Variants in CES5A observed in about 807,000 individuals in gnomAD.
CES5A encodes carboxylesterase 5.
Under a neutral mutation model 62.9 loss-of-function variants are expected in CES5A, and 67 were observed. That is an observed-to-expected ratio of 1.07 (90% CI 0.88 to 1.31). The LOEUF (loss-of-function observed/expected upper bound fraction) is 1.31, where lower values mean the gene tolerates loss of function less well. Among genes scored for constraint, CES5A ranks in the 50% most tolerant of loss-of-function variants. CES5A has a pLI of 0.00. For synonymous variants in CES5A, 296 were observed against 280.8 expected (o/e 1.05, Z -0.54); for missense variants, 748 against 708.5 (o/e 1.06, Z -0.63).
At chr16:55,877,746 C>A (rs2033713875), upstream of CES5A, among the ~76,000 whole-genome samples, 1 of 152,204 alleles carries the variant, frequency 6.6e-6, no homozygotes, top group East Asian at 1.9e-4. Context: ...CATCTATTAC[C>A]TAATTTAATG....
chr16:55,877,450 A>G (rs1852107478), upstream of CES5A, among the ~76,000 whole-genome samples: 1 of 126,354 alleles, frequency 7.9e-6, no homozygotes, highest in African/African-American at 3.2e-5. Flanking sequence ...GTGTATATAT[A>G]TGTATGTGTG....
intron 2 of CES5A, among the ~76,000 whole-genome samples, chr16:55,938,617 G>T (rs2034403263): frequency 6.7e-6 from 1 of 149,626 alleles, no homozygotes; most frequent in African/African-American, 2.5e-5. Flanking sequence ...GGTGCCTATA[G>T]TCCCAGCTAC....
chr16:55,938,734 TCA>T (rs2034405142), intron 2 of CES5A, among the ~76,000 whole-genome samples: 1 of 26,180 alleles, frequency 3.8e-5, no homozygotes, highest in African/African-American at 2.6e-4. Flanking sequence ...AGACTCCATC[TCA>T]AAAAAAAAAA....
rs142729156 is a variant in CES5A, at chr16:55,942,840, A to C, written c.160+6945T>G. Among the ~76,000 whole-genome samples, 170 of 152,352 alleles carry C rather than the reference A, an allele frequency of 1.1e-3. 1 individual carries two copies. The highest frequency in any genetic ancestry group is 3.8e-3 in the African/African-American group (160 of 41,584). On this transcript the variant is annotated intron_variant, in intron 2 of 13. Transcript: ENST00000521992. ...TCCATACAATAAAATACTATTCTGC[A>C]GCAGTAAAGGAAAAAACAACCTGGA...
At chr16:55,941,736 G>A (rs1325072562) in intron 2 of CES5A, among the ~76,000 whole-genome samples, 1 of 152,048 alleles carries the variant, frequency 6.6e-6, no homozygotes, top group Non-Finnish European at 1.5e-5. Flanking sequence ...AGCTTCAGTA[G>A]TCCAGATAGT....
intron 1 of CES5A, among the ~76,000 whole-genome samples, chr16:55,921,412 A>T (rs1254608903): frequency 1.3e-5 from 2 of 152,080 alleles, no homozygotes; most frequent in Non-Finnish European, 2.9e-5. Context: ...TTGTCTAGCA[A>T]CAGACTTCTC....
intron 2 of CES5A, among the ~76,000 whole-genome samples, chr16:55,947,896 A>C (rs1340267236): frequency 6.6e-6 from 1 of 150,762 alleles, no homozygotes; most frequent in Non-Finnish European, 1.5e-5. Context: ...AAGGGCTGGG[A>C]GTTTTGATTA....
At chr16:55,932,117 C>A (rs1477505748) in intron 2 of CES5A, among the ~76,000 whole-genome samples, 2 of 152,224 alleles carry the variant, frequency 1.3e-5, no homozygotes, top group East Asian at 3.9e-4. Context: ...TTATAAAAGC[C>A]AGTTTTGTTT....
At chr16:55,875,125 C>T in intron 1 of CES5A, 24 bp downstream of exon 1, 1 of 1,609,852 alleles carries the variant, frequency 6.2e-7, no homozygotes, top group Non-Finnish European at 8.5e-7. Flanking sequence ...TCTGAGAGCC[C>T]TCCTTTCCCA....
intron 2 of CES5A, among the ~76,000 whole-genome samples, chr16:55,938,533 C>T (rs1376967487): frequency 1.3e-5 from 2 of 151,260 alleles, no homozygotes; most frequent in Non-Finnish European, 2.9e-5. Flanking sequence ...GTCAGGAGAT[C>T]AAGACCATCC....
At chr16:55,947,256 T>G (rs2142484546) in intron 2 of CES5A, among the ~76,000 whole-genome samples, 1 of 152,256 alleles carries the variant, frequency 6.6e-6, no homozygotes, top group South Asian at 2.1e-4. Context: ...GAAGAGACAC[T>G]GAGTGATCAT....
At chr16:55,925,094 G>A (rs1255279908) in intron 1 of CES5A, among the ~76,000 whole-genome samples, 3 of 151,978 alleles carry the variant, frequency 2.0e-5, no homozygotes, top group East Asian at 1.9e-4. Context: ...CACAGAATGA[G>A]AAAATATTTG....
intron 1 of CES5A, among the ~76,000 whole-genome samples, chr16:55,898,179 T>C (rs866506665): frequency 6.6e-6 from 1 of 152,190 alleles, no homozygotes; most frequent in Non-Finnish European, 1.5e-5. Flanking sequence ...TTTGTGTGCT[T>C]TCCTATATGC....
At chr16:55,911,115 T>C (rs755294726) in intron 1 of CES5A, among the ~76,000 whole-genome samples, 1 of 152,186 alleles carries the variant, frequency 6.6e-6, no homozygotes, top group Non-Finnish European at 1.5e-5. Flanking sequence ...TTTTAGTGCA[T>C]GAACTGTACT....
At chr16:55,855,233 C>T (rs148162334) in intron 9 of CES5A, among the ~76,000 whole-genome samples, 227 of 152,356 alleles carry the variant, frequency 1.5e-3, no homozygotes, top group African/African-American at 5.3e-3. Context: ...TCTCACTACA[C>T]ATGTGTTCCA....
At position 55,872,279 on chromosome 16, in the gene CES5A, G is replaced by A. The variant is rs74019305; in HGVS notation, c.279-516C>T. Among the ~76,000 whole-genome samples, 570 of 152,236 alleles carry A rather than the reference G, an allele frequency of 3.7e-3. 5 individuals carry two copies. Among genetic ancestry groups the A allele is most frequent in the African/African-American group, 0.013 (546 of 41,530 alleles). ...TTTGCTCAAGCCGGGCCCTTGCCTC[G>A]ACTGCTCTCTCCCTGTATCTGCGTG... On this transcript the variant is annotated intron_variant, in intron 2 of 12. Transcript: ENST00000290567.
At chr16:55,858,856 T>C (rs2033295876) in intron 8 of CES5A, among the ~76,000 whole-genome samples, 1 of 152,202 alleles carries the variant, frequency 6.6e-6, no homozygotes, top group South Asian at 2.1e-4. Context: ...TCCCAGCACC[T>C]GGGCCTCAGC....
At chr16:55,927,581 C>T (rs1465038272), upstream of CES5A, among the ~76,000 whole-genome samples, 3 of 152,154 alleles carry the variant, frequency 2.0e-5, no homozygotes, top group South Asian at 2.1e-4. Flanking sequence ...CACCTTGCCC[C>T]GGTCAAAATG....
intron 1 of CES5A, among the ~76,000 whole-genome samples, chr16:55,901,875 T>G (rs2033993855): frequency 6.6e-6 from 1 of 152,182 alleles, no homozygotes; most frequent in Non-Finnish European, 1.5e-5. Flanking sequence ...AGGCTTACAA[T>G]TACATTGCAG....
Sources: allele counts gnomAD v4.1 joint callset (sites outside exome capture counted in the v4.1 genomes callset), GRCh38; gene constraint gnomAD v4.1.1; transcripts MANE v1.5; gene names NCBI Gene and HGNC (gene_info 2026-07-23, HGNC 2026-07-21).